TBL1XR1: variants seen among roughly 807,000 people sequenced by gnomAD.
TBL1XR1 encodes TBL1X/Y related 1, also known as F-box-like/WD repeat-containing protein TBL1XR1.
In TBL1XR1, 5 loss-of-function variants were observed where a neutral mutation model predicts 66.9. The ratio of observed to expected loss-of-function variants is 0.07; its 90% CI spans 0.04 to 0.16. The LOEUF (loss-of-function observed/expected upper bound fraction) is 0.16, where lower values mean the gene tolerates loss of function less well. Ranked by LOEUF, TBL1XR1 falls within the 10% of genes least tolerant of loss-of-function variation. The probability of loss-of-function intolerance (pLI) is 1.00; values close to 1 mark genes in which losing one functional copy is unlikely to be tolerated. For missense variants in TBL1XR1, 238 were observed against 623.2 expected (o/e 0.38, Z 6.58); for synonymous variants, 210 against 206.0 (o/e 1.02, Z -0.17).
At chr3:177,086,560 G>A (rs574167102) in intron 2 of TBL1XR1, among the ~76,000 whole-genome samples, 4 of 152,062 alleles carry the variant, frequency 2.6e-5, no homozygotes, top group Non-Finnish European at 5.9e-5. Context: ...TGGAGCAACG[G>A]AAGTCTCTTT....
chr3:177,041,690 G>A (rs559226750), intron 10 of TBL1XR1, among the ~76,000 whole-genome samples: 58 of 152,250 alleles, frequency 3.8e-4, no homozygotes, highest in Non-Finnish European at 5.7e-4. Flanking sequence ...ACTCTCATTC[G>A]TTCCTTACTG....
rs756302181 is a variant in TBL1XR1, at chr3:177,033,120, T to C, written c.1267A>G (p.Thr423Ala). ...LMLASASFDS[T>A]VRLWDVDRGI... ...CGGTCTACATCCCATAACCTAACAG[T>C]AGAATCAAAGGATGCACTGAAAAAG... The change falls in exon 14 of 16, where the codon ACT becomes GCT. Residue 423 changes from threonine (T) to alanine (A), a missense_variant. Coordinates refer to ENST00000457928, the MANE Select transcript of TBL1XR1 (RefSeq NM_024665.7). 2 of 1,553,432 alleles carry C rather than the reference T, an allele frequency of 1.3e-6. No homozygotes were observed. The highest frequency in any genetic ancestry group is 2.3e-5 in the East Asian group (1 of 43,748).
At chr3:177,101,169 AT>A (rs36126231) in intron 1 of TBL1XR1, among the ~76,000 whole-genome samples, 89,795 of 151,318 alleles carry the variant, frequency 0.59, 26,691 homozygotes, top group East Asian at 0.74. Flanking sequence ...GACAATCGCT[AT>A]TTTTTTTTCA....
intron 2 of TBL1XR1, among the ~76,000 whole-genome samples, chr3:177,076,098 A>G (rs899279012): frequency 2.0e-5 from 3 of 152,230 alleles, no homozygotes; most frequent in Admixed American, 6.5e-5. Flanking sequence ...CTGCTTCATA[A>G]ATGGTGCCTT....
intron 1 of TBL1XR1, among the ~76,000 whole-genome samples, chr3:177,124,383 G>A (rs970635944): frequency 2.6e-5 from 4 of 152,096 alleles, no homozygotes; most frequent in Non-Finnish European, 5.9e-5. Flanking sequence ...TACTTTTAAT[G>A]ACCCATCATT....
chr3:177,166,298 T>C (rs1001712496), intron 1 of TBL1XR1, among the ~76,000 whole-genome samples: 9 of 152,090 alleles, frequency 5.9e-5, no homozygotes, highest in African/African-American at 1.9e-4. Context: ...AACTCACCAA[T>C]AGGGAAACAT....
intron 5 of TBL1XR1, 94 bp downstream of exon 5, chr3:177,051,410 A>C: frequency 8.7e-7 from 1 of 1,155,872 alleles, no homozygotes; most frequent in Non-Finnish European, 1.2e-6. Flanking sequence ...GAGTTCATCT[A>C]TATAACAAAC....
At chr3:177,096,331 T>TACACACACACACACACAC (rs756833949) in intron 2 of TBL1XR1, among the ~76,000 whole-genome samples, 4,712 of 100,586 alleles carry the variant, frequency 0.047, 97 homozygotes, top group South Asian at 0.09. Context: ...CTAACATACA[T>TACACACACACACACACAC]ACATACACAC....
intron 1 of TBL1XR1, among the ~76,000 whole-genome samples, chr3:177,190,456 T>C (rs1217342974): frequency 6.6e-6 from 1 of 152,136 alleles, no homozygotes; most frequent in Non-Finnish European, 1.5e-5. Flanking sequence ...GCTAGGATTA[T>C]AGGCGTGTGC....
chr3:177,037,981 T>A, intron 12 of TBL1XR1, 117 bp downstream of exon 12: 6 of 762,514 alleles, frequency 7.9e-6, no homozygotes, highest in South Asian at 2.3e-5. Flanking sequence ...AATGTTGGAG[T>A]TTTCATGCAG....
chr3:177,185,480 T>C (rs1560276966), intron 1 of TBL1XR1, among the ~76,000 whole-genome samples: 1 of 151,906 alleles, frequency 6.6e-6, no homozygotes, highest in Non-Finnish European at 1.5e-5. Flanking sequence ...CATGGTGGCA[T>C]GAGCCTGTCC....
intron 1 of TBL1XR1, among the ~76,000 whole-genome samples, 197 bp downstream of exon 1, chr3:177,196,924 G>T (rs997456694): frequency 6.6e-6 from 1 of 151,788 alleles, no homozygotes; most frequent in Non-Finnish European, 1.5e-5. Context: ...AAAACGGGGG[G>T]ATGGGGGCGC....
At chr3:177,142,155 T>G (rs1729708417) in intron 1 of TBL1XR1, among the ~76,000 whole-genome samples, 1 of 152,170 alleles carries the variant, frequency 6.6e-6, no homozygotes, top group African/African-American at 2.4e-5. Context: ...AAATTCAGGC[T>G]TAGCCCAGGA....
chr3:177,189,055 A>G (rs1577436757), intron 1 of TBL1XR1, among the ~76,000 whole-genome samples: 1 of 151,886 alleles, frequency 6.6e-6, no homozygotes, highest in Non-Finnish European at 1.5e-5. Flanking sequence ...AAAATACAAA[A>G]AAATTAGCCG....
intron 10 of TBL1XR1, among the ~76,000 whole-genome samples, chr3:177,042,832 C>A (rs1423619098): frequency 6.6e-6 from 1 of 152,008 alleles, no homozygotes; most frequent in Non-Finnish European, 1.5e-5. Flanking sequence ...CTTTCATTAA[C>A]CCATGTAGCC....
At chr3:177,119,326 A>G (rs1235643723) in intron 1 of TBL1XR1, among the ~76,000 whole-genome samples, 1 of 152,098 alleles carries the variant, frequency 6.6e-6, no homozygotes, top group Non-Finnish European at 1.5e-5. Context: ...GGTGAAGAAT[A>G]TTTACACCCT....
At position 177,197,235 on chromosome 3, in the gene TBL1XR1, G is replaced by T; in HGVS notation, c.-236C>A. 6.6e-6 allele frequency: 1 copy of T among 152,224 alleles called. No individual in the cohort carries two copies. Among genetic ancestry groups the T allele is most frequent in the South Asian group, 1.8e-4 (1 of 5,534 alleles). The allele number at this position is 152,224 out of a possible 1,614,324, so 9.4% of individuals were successfully genotyped here. On this transcript the variant is annotated 5_prime_UTR_variant, in exon 1 of 16. Coordinates refer to ENST00000457928, the MANE Select transcript of TBL1XR1 (RefSeq NM_024665.7). Reference sequence around the variant, plus strand: ...CAACCACCCCCAAAATAACCCCTCCGGGGGGTGAGAGGCAATTATAACCCC... The same window carrying T: ...CAACCACCCCCAAAATAACCCCTCCTGGGGGTGAGAGGCAATTATAACCCC...
chr3:177,199,344 T>G (rs1201845417), upstream of TBL1XR1, among the ~76,000 whole-genome samples: 3 of 151,734 alleles, frequency 2.0e-5, no homozygotes, highest in African/African-American at 7.3e-5. Context: ...TCAGAAGACT[T>G]TATTTCAGAA....
rs79314617 is a variant in TBL1XR1 at position 177,032,707 on chromosome 3, A to G, written c.1416+264T>C. ...TCATTTATCTAAATAAATACATCTT[A>G]AACATTCACATCTGATATCTGCAAA... On this transcript the variant is annotated intron_variant, in intron 14 of 15. Transcript: ENST00000457928. 1.7e-3 allele frequency: 475 copies of G among 274,000 alleles called. 2 individuals carry two copies. Among genetic ancestry groups the G allele is most frequent in the African/African-American group, 9.7e-3 (443 of 45,854 alleles). 17.0% of individuals were successfully genotyped at this position (274,000 alleles called of 1,614,324 possible). A position where few individuals can be genotyped will look rare whatever the true frequency, so the allele number is the denominator to read the frequency against.
Sources: allele counts gnomAD v4.1 joint callset (sites outside exome capture counted in the v4.1 genomes callset), GRCh38; gene constraint gnomAD v4.1.1; transcripts MANE v1.5; gene names NCBI Gene and HGNC (gene_info 2026-07-23, HGNC 2026-07-21).